Variants in FRMD4A observed in about 807,000 individuals in gnomAD.
FRMD4A encodes the protein FERM domain containing 4A.
FRMD4A carries 29 observed loss-of-function variants against 129.1 expected under a neutral mutation model. The ratio of observed to expected loss-of-function variants is 0.22; its 90% confidence interval spans 0.17 to 0.31. FRMD4A has a LOEUF of 0.31. Among genes scored for constraint, FRMD4A ranks in the 10% least tolerant of loss-of-function variants. The pLI, the probability that FRMD4A is intolerant of heterozygous loss-of-function variation, is 1.00. For synonymous variants in FRMD4A, 634 were observed against 571.6 expected (o/e 1.11, Z -1.56); for missense variants, 1,272 against 1,375.8 (o/e 0.92, Z 1.19).
intron 2 of FRMD4A, among the ~76,000 whole-genome samples, chr10:13,865,938 G>T (rs1228218305): frequency 1.3e-5 from 2 of 152,148 alleles, no homozygotes; most frequent in African/African-American, 2.4e-5. Context: ...TGAGGGAGGA[G>T]AGCTGTTTAG....
intron 2 of FRMD4A, among the ~76,000 whole-genome samples, chr10:14,247,084 T>C (rs1029558861): frequency 2.6e-5 from 4 of 152,156 alleles, no homozygotes; most frequent in Non-Finnish European, 5.9e-5. Flanking sequence ...CGCAAGCTCT[T>C]CTAGCGCGTG....
chr10:13,694,029 T>A lies in FRMD4A; in HGVS notation c.986A>T (p.His329Leu), dbSNP rs755826076. 2.0e-6 allele frequency: 3 copies of A among 1,512,736 alleles called. No homozygotes were observed. In the African/African-American group the frequency reaches 4.2e-5, roughly 21 times the overall value. The allele number at this position is 1,512,736 out of a possible 1,614,324, so 93.7% of individuals were successfully genotyped here. A position where few individuals can be genotyped will look rare whatever the true frequency, so the allele number is the denominator to read the frequency against. Residue 329 changes from histidine to leucine, a missense_variant, in exon 15 of 25, where the codon CAT becomes CTT. Transcript: ENST00000357447. The part of the protein sequence containing the change: ...LDRKQSKSKI[H>L]AARSLSEIAI... ...GATCTCACTCAGGCTGCGTGCTGCA[T>A]GGATTTTGGACTGGAATGGAAAGGG...
intron 2 of FRMD4A, among the ~76,000 whole-genome samples, chr10:14,035,069 G>T (rs1833432337): frequency 6.6e-6 from 1 of 152,098 alleles, no homozygotes; most frequent in African/African-American, 2.4e-5. Flanking sequence ...AAATACCGGG[G>T]GGACCAACCT....
At chr10:13,702,096 G>A (rs983435752) in intron 13 of FRMD4A, among the ~76,000 whole-genome samples, 1 of 152,096 alleles carries the variant, frequency 6.6e-6, no homozygotes, top group Non-Finnish European at 1.5e-5. Context: ...TTTTCAGATG[G>A]AGTCTTGCCC....
chr10:14,208,569 A>G (rs1312871958), intron 2 of FRMD4A, among the ~76,000 whole-genome samples: 29 of 152,048 alleles, frequency 1.9e-4, no homozygotes, highest in Non-Finnish European at 2.9e-5. Flanking sequence ...CCTGGGCTGA[A>G]GGAAGGCCAC....
chr10:14,216,039 C>T (rs1482371858), intron 2 of FRMD4A, among the ~76,000 whole-genome samples: 1 of 152,126 alleles, frequency 6.6e-6, no homozygotes, highest in Non-Finnish European at 1.5e-5. Context: ...AGAAGTTCCA[C>T]TACACGTTCT....
At chr10:14,239,644 C>CA (rs1243039069) in intron 2 of FRMD4A, among the ~76,000 whole-genome samples, 15 of 119,602 alleles carry the variant, frequency 1.3e-4, no homozygotes, top group Admixed American at 4.2e-4. Flanking sequence ...AACAAACAAA[C>CA]AAACAAACAA....
intron 2 of FRMD4A, chr10:14,007,958 T>C: frequency 1.6e-6 from 2 of 1,248,090 alleles, no homozygotes; most frequent in Non-Finnish European, 2.1e-6. Context: ...CTCCAACTGT[T>C]CAGGAAACGT....
At chr10:13,659,594 CCCG>C in intron 20 of FRMD4A, 104 bp from the exon 21 acceptor site, 1 of 1,140,936 alleles carries the variant, frequency 8.8e-7, no homozygotes, top group Non-Finnish European at 1.3e-6. Flanking sequence ...GGAAAGCTCG[CCCG>C]TGACTCCCAC....
At chr10:14,010,187 GC>G (rs1194609769) in intron 2 of FRMD4A, among the ~76,000 whole-genome samples, 1 of 152,168 alleles carries the variant, frequency 6.6e-6, no homozygotes, top group Non-Finnish European at 1.5e-5. Flanking sequence ...CCAGGGCAAA[GC>G]CCCGGGGAGC....
chr10:14,099,120 C>T (rs921166675), intron 2 of FRMD4A, among the ~76,000 whole-genome samples: 2 of 152,194 alleles, frequency 1.3e-5, no homozygotes, highest in Non-Finnish European at 2.9e-5. Context: ...TTTTTGAGGA[C>T]ATCCAGGTAT....
chr10:13,942,298 G>C (rs914114679), intron 2 of FRMD4A, among the ~76,000 whole-genome samples: 1 of 152,206 alleles, frequency 6.6e-6, no homozygotes, highest in Non-Finnish European at 1.5e-5. Flanking sequence ...TCTCTGCAAT[G>C]ATGGGCCCCT....
intron 2 of FRMD4A, among the ~76,000 whole-genome samples, chr10:14,194,707 A>G (rs1842424627): frequency 6.6e-6 from 1 of 152,176 alleles, no homozygotes; most frequent in Non-Finnish European, 1.5e-5. Context: ...ACTTTCTGGA[A>G]TCTCTTATTT....
At chr10:13,973,996 T>C (rs576435214) in intron 2 of FRMD4A, among the ~76,000 whole-genome samples, 1 of 151,608 alleles carries the variant, frequency 6.6e-6, no homozygotes, top group South Asian at 2.1e-4. Context: ...AAGCATGTAA[T>C]TATGGACTGG....
At chr10:14,281,480 C>A (rs1026305732) in intron 2 of FRMD4A, among the ~76,000 whole-genome samples, 2 of 152,234 alleles carry the variant, frequency 1.3e-5, no homozygotes, top group Admixed American at 1.3e-4. Flanking sequence ...CTTGCAGCCA[C>A]CAGGACTGTG....
chr10:13,645,939 C>G lies in FRMD4A; in HGVS notation c.*1099G>C, dbSNP rs2081091347. 6.6e-6 allele frequency: 1 copy of G among 152,546 alleles called. No individual in the cohort carries two copies. Among genetic ancestry groups the G allele is most frequent in the Non-Finnish European group, 1.5e-5 (1 of 68,024 alleles). The allele number at this position is 152,546 out of a possible 1,614,324, so 9.4% of individuals were successfully genotyped here. A position where few individuals can be genotyped will look rare whatever the true frequency, so the allele number is the denominator to read the frequency against. ...TACTGGTTGGTTTAATGAGAGAGAA[C>G]CACTTTTGGCCATTATCACCTTACG... On this transcript the variant is annotated 3_prime_UTR_variant, in exon 25 of 25. Transcript: ENST00000357447.
chr10:13,693,715 T>C, intron 15 of FRMD4A, 183 bp downstream of exon 15: 1 of 765,660 alleles, frequency 1.3e-6, no homozygotes, highest in Non-Finnish European at 2.2e-6. Flanking sequence ...TTCCACTATT[T>C]GATTCCTGGG....
chr10:13,941,320 G>T (rs574252309), intron 2 of FRMD4A, among the ~76,000 whole-genome samples: 1 of 152,260 alleles, frequency 6.6e-6, no homozygotes, highest in African/African-American at 2.4e-5. Context: ...TATAAGACAT[G>T]CCTTCTGCCT....
intron 2 of FRMD4A, chr10:14,008,002 C>G: frequency 1.6e-6 from 2 of 1,285,060 alleles, no homozygotes; most frequent in Non-Finnish European, 2.1e-6. Flanking sequence ...ACAATGAAAA[C>G]AAACATCTTC....
Sources: gnomAD v4.1 joint callset for allele counts (sites outside exome capture counted in the v4.1 genomes callset) on GRCh38, gnomAD v4.1.1 for gene constraint, MANE v1.5 for transcripts, NCBI Gene and HGNC (gene_info 2026-07-23, HGNC 2026-07-21) for gene names.